The following HAUS1 variants were observed in gnomAD, a reference collection of about 807,000 sequenced individuals.
HAUS1 encodes HAUS augmin like complex subunit 1, also known as HAUS augmin-like complex subunit 1.
In HAUS1, 25 loss-of-function variants were observed where a neutral mutation model predicts 38.6. That is an observed-to-expected ratio of 0.65 (90% CI 0.47 to 0.91). The LOEUF is 0.91. Among genes scored for constraint, HAUS1 ranks in the 40% least tolerant of loss-of-function variants. HAUS1 has a pLI of 0.00. For missense variants in HAUS1, 325 were observed against 328.4 expected (o/e 0.99, Z 0.08); for synonymous variants, 109 against 112.9 (o/e 0.97, Z 0.22).
At chr18:46,122,941 G>A (rs978164184) in intron 5 of HAUS1, among the ~76,000 whole-genome samples, 1 of 152,102 alleles carries the variant, frequency 6.6e-6, no homozygotes, top group East Asian at 1.9e-4. Context: ...GGCTGGGCAC[G>A]GTGGCTCACG....
chr18:46,106,178 A>C (rs916702284), intron 2 of HAUS1, among the ~76,000 whole-genome samples: 5 of 152,216 alleles, frequency 3.3e-5, no homozygotes, highest in African/African-American at 4.8e-5. Flanking sequence ...AGTTTGAAAA[A>C]GTGCATTCAA....
At chr18:46,108,643 T>C (rs1901717010) in intron 2 of HAUS1, among the ~76,000 whole-genome samples, 1 of 152,210 alleles carries the variant, frequency 6.6e-6, no homozygotes, top group African/African-American at 2.4e-5. Flanking sequence ...TACATTTTCA[T>C]TCATATCAAA....
rs1912060318 is a variant in HAUS1, at chr18:46,124,987, C to T, written c.738+94C>T. On this transcript the variant is annotated intron_variant, in intron 7 of 8. Transcript: ENST00000282058. ...GAAAATAGTGTGTTTAGGCCAGGCA[C>T]GGTGGCTCACGCCTGTAATCCCAGC... The T allele has an allele frequency of 1.9e-5, 13 of 685,650 alleles. 2 individuals carry two copies. Among genetic ancestry groups the T allele is most frequent in the South Asian group, 1.4e-4 (8 of 57,490 alleles). The allele number at this position is 685,650 out of a possible 1,614,324, so 42.5% of individuals were successfully genotyped here. A position where few individuals can be genotyped will look rare whatever the true frequency, so the allele number is the denominator to read the frequency against.
chr18:46,124,690 G>A (rs1318757772), intron 6 of HAUS1, 132 bp from the exon 7 acceptor site: 7 of 520,256 alleles, frequency 1.3e-5, no homozygotes, highest in Non-Finnish European at 2.4e-5. Context: ...TATCTTTGAA[G>A]CTTTTTATTC....
At chr18:46,119,211 C>T (rs1911873767) in intron 3 of HAUS1, among the ~76,000 whole-genome samples, 1 of 152,146 alleles carries the variant, frequency 6.6e-6, no homozygotes, top group African/African-American at 2.4e-5. Context: ...CAGAGAACAA[C>T]ACAGCAGAAC....
At chr18:46,112,360 TATA>T (rs1184395930) in intron 2 of HAUS1, among the ~76,000 whole-genome samples, 1 of 120,604 alleles carries the variant, frequency 8.3e-6, no homozygotes, top group Admixed American at 9.6e-5. Context: ...ATATAATATA[TATA>T]ATGTGTATAT....
intron 1 of HAUS1, among the ~76,000 whole-genome samples, chr18:46,104,732 C>G (rs1025699017): frequency 6.6e-6 from 1 of 151,868 alleles, no homozygotes; most frequent in Non-Finnish European, 1.5e-5. Context: ...AACCCGCCTT[C>G]CGGTTCGCTG....
At chr18:46,119,398 C>T (rs1324631162) in intron 3 of HAUS1, among the ~76,000 whole-genome samples, 1 of 151,532 alleles carries the variant, frequency 6.6e-6, no homozygotes. Context: ...AGGGATGAAT[C>T]ATATAATTTC....
chr18:46,123,643 A>G (rs73440286), intron 6 of HAUS1, among the ~76,000 whole-genome samples: 2,442 of 152,310 alleles, frequency 0.016, 79 homozygotes, highest in African/African-American at 0.056. Flanking sequence ...TTGAAGGACC[A>G]TGAGCTAATC....
chr18:46,105,620 C>T (rs1057222090), intron 2 of HAUS1, among the ~76,000 whole-genome samples: 3 of 151,226 alleles, frequency 2.0e-5, no homozygotes, highest in Non-Finnish European at 2.9e-5. Context: ...CTTGCTCTGT[C>T]GCCCAGGCTG....
intron 2 of HAUS1, among the ~76,000 whole-genome samples, chr18:46,105,893 C>G (rs549856817): frequency 6.6e-6 from 1 of 152,226 alleles, no homozygotes; most frequent in African/African-American, 2.4e-5. Context: ...TAGTAATTCT[C>G]TAAGTAATAA....
chr18:46,122,401 T>G, intron 4 of HAUS1, 66 bp from the exon 5 acceptor site: 1 of 1,526,538 alleles, frequency 6.6e-7, no homozygotes, highest in Non-Finnish European at 9.0e-7. Flanking sequence ...GTAGTAGAGT[T>G]TCTATTGTAC....
intron 2 of HAUS1, among the ~76,000 whole-genome samples, chr18:46,108,031 A>G (rs1165959820): frequency 2.0e-5 from 3 of 152,276 alleles, no homozygotes; most frequent in East Asian, 1.9e-4. Flanking sequence ...CATGAGGAAT[A>G]CAAATGAAAC....
In HAUS1 at chr18:46,112,422, TTA is replaced by T. The variant is rs1381963876; in HGVS notation, c.206-5750_206-5749del. 1.5e-3 allele frequency among the ~76,000 whole-genome samples: 95 copies of T among 64,114 alleles called. 7 individuals carry two copies. The highest frequency in any genetic ancestry group is 7.8e-3 in the African/African-American group (89 of 11,412). The allele number at this position is 64,114 out of a possible 152,430, so 42.1% of individuals were successfully genotyped here. ...ATATATAATGTGTATATATTCCATA[TTA>T]TATATATAATATATATAATGTGTAT... On this transcript the variant is annotated intron_variant, in intron 2 of 8. Transcript: ENST00000282058.
chr18:46,118,067 T>C (rs1235568073), intron 2 of HAUS1, 114 bp from the exon 3 acceptor site: 21 of 946,194 alleles, frequency 2.2e-5, no homozygotes, highest in Non-Finnish European at 3.4e-5. Flanking sequence ...GCCACTGAAT[T>C]ACATACATAC....
In HAUS1 at chr18:46,120,059, G is replaced by T; in HGVS notation, c.475G>T (p.Glu159Ter). The T allele has an allele frequency of 1.3e-6, 2 of 1,588,068 alleles. No homozygotes were observed. The highest frequency in any genetic ancestry group is 2.3e-5 in the South Asian group (2 of 87,542). The change falls in exon 4 of 9, where the codon GAG becomes TAG. Residue 159 changes from glutamate (E) to a stop codon, truncating the protein, a stop_gained and splice_region_variant. Transcript: ENST00000282058. LOFTEE classifies it high-confidence loss of function. ...TTTAGTATTAGAAAAATGTCTACAA[G>T]AGTAAGTAATTGAGTTCAGAGTGGT... Reference protein sequence around the residue: ...ATLVLEKCLQEDVKKAELHLS... With the variant: ...ATLVLEKCLQ
At chr18:46,121,246 A>G (rs1911933267) in intron 4 of HAUS1, among the ~76,000 whole-genome samples, 1 of 151,900 alleles carries the variant, frequency 6.6e-6, no homozygotes. Flanking sequence ...CTAGAGTGCA[A>G]TGGCGCGATC....
intron 2 of HAUS1, among the ~76,000 whole-genome samples, chr18:46,111,862 C>T (rs1356835739): frequency 1.3e-5 from 2 of 150,568 alleles, no homozygotes; most frequent in African/African-American, 4.9e-5. Flanking sequence ...TTCTCTGTGG[C>T]TCTCTTCATT....
At chr18:46,122,171 C>T (rs1364481594) in intron 4 of HAUS1, among the ~76,000 whole-genome samples, 1 of 152,040 alleles carries the variant, frequency 6.6e-6, no homozygotes, top group African/African-American at 2.4e-5. Flanking sequence ...ATTAGCCAGG[C>T]ATAGTGGCAT....
Sources: gnomAD v4.1 joint callset for allele counts (sites outside exome capture counted in the v4.1 genomes callset) on GRCh38, gnomAD v4.1.1 for gene constraint, MANE v1.5 for transcripts, NCBI Gene and HGNC (gene_info 2026-07-23, HGNC 2026-07-21) for gene names.